BACH2: variants seen among roughly 807,000 people sequenced by gnomAD.
BACH2 encodes BACH transcriptional regulator 2.
In BACH2, 5 loss-of-function variants were observed where a neutral mutation model predicts 61.8. That is an observed-to-expected ratio of 0.08 (90% CI 0.04 to 0.17). The LOEUF is 0.17. Among genes scored for constraint, BACH2 ranks in the 10% least tolerant of loss-of-function variants. BACH2 has a pLI of 1.00. For synonymous variants in BACH2, 446 were observed against 440.1 expected, an observed-to-expected ratio of 1.01 and a Z score of -0.17; for missense variants, 824 against 1,091.1, an observed-to-expected ratio of 0.76 and a Z score of 3.45.
At chr6:90,099,854 C>T (rs72925941) in intron 4 of BACH2, among the ~76,000 whole-genome samples, 6,323 of 152,092 alleles carry the variant, frequency 0.042, 186 homozygotes, top group Middle Eastern at 0.088. Context: ...CAGAGTTGTG[C>T]GACCATCACC....
intron 5 of BACH2, among the ~76,000 whole-genome samples, chr6:90,029,584 G>C (rs1390915915): frequency 6.6e-6 from 1 of 152,020 alleles, no homozygotes. Context: ...TTTTTCTATT[G>C]AGGGCAGGAA....
At chr6:90,153,675 C>T (rs1460018895) in intron 4 of BACH2, among the ~76,000 whole-genome samples, 1 of 152,170 alleles carries the variant, frequency 6.6e-6, no homozygotes, top group Non-Finnish European at 1.5e-5. Flanking sequence ...ACCAATCTCT[C>T]TCCATGCTAA....
intron 3 of BACH2, among the ~76,000 whole-genome samples, chr6:90,220,415 T>G (rs1769700876): frequency 6.6e-6 from 1 of 152,160 alleles, no homozygotes; most frequent in Non-Finnish European, 1.5e-5. Flanking sequence ...CATTAAAAAG[T>G]GACTAACCAG....
At chr6:90,241,130 A>T (rs1398867939) in intron 3 of BACH2, among the ~76,000 whole-genome samples, 1 of 146,392 alleles carries the variant, frequency 6.8e-6, no homozygotes, top group Non-Finnish European at 1.5e-5. Flanking sequence ...GCGAGACTCC[A>T]ACTCAAAAAA....
intron 4 of BACH2, among the ~76,000 whole-genome samples, chr6:90,184,797 C>T (rs1296128564): frequency 1.3e-5 from 2 of 152,216 alleles, no homozygotes; most frequent in Admixed American, 6.5e-5. Flanking sequence ...AGGACAAACT[C>T]AAGCAGTTGC....
chr6:90,245,840 G>C (rs557655299), intron 3 of BACH2, among the ~76,000 whole-genome samples: 1 of 152,250 alleles, frequency 6.6e-6, no homozygotes, highest in African/African-American at 2.4e-5. Context: ...TAACAGGGTG[G>C]AAACAGAAAA....
intron 4 of BACH2, among the ~76,000 whole-genome samples, chr6:90,196,504 C>T (rs1768762163): frequency 6.6e-6 from 1 of 152,162 alleles, no homozygotes; most frequent in Non-Finnish European, 1.5e-5. Flanking sequence ...CTTCAATACA[C>T]GTGTCTATTT....
chr6:90,244,009 T>C (rs1180004458), intron 3 of BACH2, among the ~76,000 whole-genome samples: 2 of 152,140 alleles, frequency 1.3e-5, no homozygotes, highest in African/African-American at 4.8e-5. Context: ...GCAACCTCCA[T>C]CTCCTGGGTT....
chr6:90,197,774 C>A lies in BACH2; in HGVS notation c.-162+8795G>T, dbSNP rs1026559769. ...CTGATGAAGGACGGCCCAGGGCAGT[C>A]CATTGGTTTGGGGCAGGGGACGCAG... On this transcript the variant is annotated intron_variant, in intron 4 of 8. Coordinates refer to ENST00000257749, the MANE Select transcript of BACH2 (RefSeq NM_021813.4). 2.8e-4 allele frequency among the ~76,000 whole-genome samples: 43 copies of A among 152,170 alleles called. 1 individual carries two copies. The highest frequency in any genetic ancestry group is 5.9e-5 in the Non-Finnish European group (4 of 68,018).
At chr6:90,271,366 T>TAAAAAAAA (rs3073450) in intron 2 of BACH2, among the ~76,000 whole-genome samples, 4 of 103,874 alleles carry the variant, frequency 3.9e-5, no homozygotes, top group African/African-American at 1.2e-4. Context: ...CAACCCCATT[T>TAAAAAAAA]AAAAAAAAAA....
chr6:89,935,853 G>GC (rs1772989348), intron 8 of BACH2, among the ~76,000 whole-genome samples: 1 of 152,176 alleles, frequency 6.6e-6, no homozygotes, highest in Admixed American at 6.5e-5. Context: ...ATGTGCCTAG[G>GC]CCCCTGTAGA....
In BACH2 at chr6:90,227,363, A is replaced by T. The variant is rs370770380; in HGVS notation, c.-274-20682T>A. Among the ~76,000 whole-genome samples, 16 of 152,318 alleles carry T rather than the reference A, an allele frequency of 1.1e-4. No individual in the cohort carries two copies. The South Asian group carries it at 2.1e-3, about 20-fold the overall frequency. On this transcript the variant is annotated intron_variant, in intron 3 of 8. Coordinates refer to ENST00000257749, the MANE Select transcript of BACH2 (RefSeq NM_021813.4). ...TGTGCACAAGCCTGCACTCCTGTCAAACAATGGGGTCTTTCAGGCCTTACA... is the reference window on the plus strand; with the variant it reads ...TGTGCACAAGCCTGCACTCCTGTCATACAATGGGGTCTTTCAGGCCTTACA...
chr6:90,108,947 A>C (rs1439067467), intron 4 of BACH2, among the ~76,000 whole-genome samples: 1 of 152,090 alleles, frequency 6.6e-6, no homozygotes, highest in African/African-American at 2.4e-5. Context: ...TCACTTAGAG[A>C]ATCTGTTTCT....
intron 4 of BACH2, among the ~76,000 whole-genome samples, chr6:90,130,767 G>A (rs558234668): frequency 8.5e-5 from 13 of 152,346 alleles, no homozygotes; most frequent in Non-Finnish European, 7.4e-5. Flanking sequence ...CTTTGCTTAC[G>A]CGAAGGTGGT....
At position 90,059,689 on chromosome 6, in the gene BACH2, A is replaced by G. The variant is rs969923240; in HGVS notation, c.-13+29272T>C. ...ACACATGCACACGTATGTTTATTGC[A>G]GCACTATTCACAATAGCAAAGACTT... On this transcript the variant is annotated intron_variant, in intron 5 of 8. Coordinates refer to ENST00000257749, the MANE Select transcript of BACH2 (RefSeq NM_021813.4). 1.4e-4 allele frequency among the ~76,000 whole-genome samples: 22 copies of G among 152,152 alleles called. No homozygotes were observed. The East Asian group carries it at 3.3e-3, about 23-fold the overall frequency.
At chr6:90,222,548 C>T (rs1046708513) in intron 3 of BACH2, among the ~76,000 whole-genome samples, 1 of 152,132 alleles carries the variant, frequency 6.6e-6, no homozygotes, top group African/African-American at 2.4e-5. Context: ...AGAATGAAAG[C>T]TCACTGATTG....
At chr6:90,160,547 C>T (rs927063362) in intron 4 of BACH2, among the ~76,000 whole-genome samples, 49 of 152,192 alleles carry the variant, frequency 3.2e-4, no homozygotes, top group African/African-American at 1.2e-3. Context: ...TTTTTACTAG[C>T]AGAGTAGACT....
Position 90,296,680 on chromosome 6 carries a change from GGGGAAAGCGAGAGCGGGGCGGCGGC to G in BACH2, c.-671_-647del, listed in dbSNP as rs1006414553. 3.9e-5 allele frequency: 6 copies of G among 155,042 alleles called. No homozygotes were observed. Among genetic ancestry groups the G allele is most frequent in the Non-Finnish European group, 8.6e-5 (6 of 69,898 alleles). 9.6% of individuals were successfully genotyped at this position (155,042 alleles called of 1,614,324 possible). ...AGGGGAAGGGGCGAGGGGAGGCCGG[GGGGAAAGCGAGAGCGGGGCGGCGGC>G]GGGAGTGGGCAGGCGGGGTGGCGAG... On this transcript the variant is annotated 5_prime_UTR_variant, in exon 1 of 9. Transcript: ENST00000257749.
At chr6:90,072,198 T>G (rs576846485) in intron 5 of BACH2, among the ~76,000 whole-genome samples, 1 of 152,376 alleles carries the variant, frequency 6.6e-6, no homozygotes, top group South Asian at 2.1e-4. Flanking sequence ...GTTTACTGTA[T>G]TAAGTGAGCA....
Sources: gnomAD v4.1 joint callset for allele counts (sites outside exome capture counted in the v4.1 genomes callset) on GRCh38, gnomAD v4.1.1 for gene constraint, MANE v1.5 for transcripts, NCBI Gene and HGNC (gene_info 2026-07-23, HGNC 2026-07-21) for gene names.